TGS1: variants seen among roughly 807,000 people sequenced by gnomAD.
TGS1 encodes the protein trimethylguanosine synthase.
In TGS1, 69 loss-of-function variants were observed where a neutral mutation model predicts 92.2. The observed-to-expected ratio is 0.75, with a 90% CI of 0.62 to 0.91. The LOEUF is 0.91. Among genes scored for constraint, TGS1 ranks in the 40% least tolerant of loss-of-function variants. The pLI, the probability that TGS1 is intolerant of heterozygous loss-of-function variation, is 0.00. For synonymous variants in TGS1, 345 were observed against 338.1 expected (o/e 1.02, Z -0.22); for missense variants, 1,062 against 1,001.2 (o/e 1.06, Z -0.82).
chr8:55,789,115 G>A (rs888801796), intron 4 of TGS1, among the ~76,000 whole-genome samples: 4 of 152,146 alleles, frequency 2.6e-5, no homozygotes, highest in Non-Finnish European at 5.9e-5. Flanking sequence ...TTAAGGTATA[G>A]GTTATGCTTC....
intron 10 of TGS1, among the ~76,000 whole-genome samples, chr8:55,806,856 A>G (rs1240146228): frequency 6.6e-6 from 1 of 152,216 alleles, no homozygotes; most frequent in Non-Finnish European, 1.5e-5. Context: ...AACAGTGGAC[A>G]GGGACTTTGG....
chr8:55,825,226 G>A lies in TGS1; in HGVS notation c.*523G>A, dbSNP rs371844336. On this transcript the variant is annotated 3_prime_UTR_variant, in exon 13 of 13. Coordinates refer to ENST00000260129, the MANE Select transcript of TGS1 (RefSeq NM_024831.8). ...CGTGAGCTACTGTGCCCAGCCTTAC[G>A]GACATCCTTTTGAATTATCTTTTTC... 6.6e-6 allele frequency: 1 copy of A among 152,134 alleles called. No individual in the cohort carries two copies. Among genetic ancestry groups the A allele is most frequent in the Non-Finnish European group, 1.5e-5 (1 of 68,072 alleles). The allele number at this position is 152,134 out of a possible 1,614,324, so 9.4% of individuals were successfully genotyped here. A position where few individuals can be genotyped will look rare whatever the true frequency, so the allele number is the denominator to read the frequency against.
At chr8:55,811,572 T>C (rs1201096953) in intron 11 of TGS1, among the ~76,000 whole-genome samples, 3 of 151,072 alleles carry the variant, frequency 2.0e-5, no homozygotes, top group African/African-American at 7.3e-5. Context: ...CCATCCTGGC[T>C]AACACGGTGA....
At chr8:55,822,236 A>AT (rs1280053126) in intron 12 of TGS1, among the ~76,000 whole-genome samples, 1 of 151,552 alleles carries the variant, frequency 6.6e-6, no homozygotes, top group Non-Finnish European at 1.5e-5. Context: ...CCCCCAGCAA[A>AT]TTTTTTTGTA....
chr8:55,782,886 TTATAA>T (rs1811605993), intron 2 of TGS1, 74 bp downstream of exon 2: 3 of 963,004 alleles, frequency 3.1e-6, no homozygotes, highest in African/African-American at 3.4e-5. Context: ...GTATAATTTG[TTATAA>T]TATTGTATTG....
chr8:55,787,365 C>T (rs560918386), intron 4 of TGS1, among the ~76,000 whole-genome samples: 1 of 152,108 alleles, frequency 6.6e-6, no homozygotes, highest in Non-Finnish European at 1.5e-5. Context: ...TTTTCCACAG[C>T]AAATGAATTT....
chr8:55,790,416 G>T, intron 5 of TGS1, 117 bp downstream of exon 5: 1 of 703,268 alleles, frequency 1.4e-6, no homozygotes, highest in Non-Finnish European at 2.5e-6. Context: ...GTAAGAAGAG[G>T]CAGGATCTAC....
In TGS1 at chr8:55,782,793, A is replaced by T; in HGVS notation, c.147A>T (p.Arg49Ser). ...TGGGATTAAAAGGCTATTACATCAG[A>T]GACAGTGGCAACAATTCAGGTAATA... ...YNLGLKGYYI[R>S]DSGNNSGDQA... is the part of the protein sequence containing the mutation. The change falls in exon 2 of 13, where the codon AGA (arginine) becomes AGT (serine). Residue 49 changes from arginine to serine, a missense_variant. By Grantham distance (110) the Arg-to-Ser change is moderately radical. Transcript: ENST00000260129. 6.2e-7 allele frequency: 1 copy of T among 1,610,264 alleles called. No individual in the cohort carries two copies. Among genetic ancestry groups the T allele is most frequent in the Non-Finnish European group, 8.5e-7 (1 of 1,178,394 alleles).
In TGS1 at chr8:55,785,894, A is replaced by C. The variant is rs1341146652; in HGVS notation, c.339+3A>C. 1 of 1,582,468 alleles carries C rather than the reference A, an allele frequency of 6.3e-7. No individual in the cohort carries two copies. The highest frequency in any genetic ancestry group is 2.2e-5 in the East Asian group (1 of 44,544). Reference sequence around the variant, plus strand: ...TAACTGCACATAAGGATTTTGAGGTAAATATTAATTTACTTTTATTATTTC... The same window carrying C: ...TAACTGCACATAAGGATTTTGAGGTCAATATTAATTTACTTTTATTATTTC... On this transcript the variant is annotated splice_donor_region_variant and intron_variant, in intron 3 of 12. Coordinates refer to ENST00000260129, the MANE Select transcript of TGS1 (RefSeq NM_024831.8).
rs1456603744 is a variant in TGS1, at chr8:55,773,737, T to C, written c.101+18T>C. 1 of 1,583,196 alleles carries C rather than the reference T, an allele frequency of 6.3e-7. No individual in the cohort carries two copies. Among genetic ancestry groups the C allele is most frequent in the Non-Finnish European group, 8.6e-7 (1 of 1,156,558 alleles). The stretch of plus-strand genomic sequence containing the variant: ...TTTGTGGAGTAAGTAGAAAAGAGAA[T>C]CTCTTCATGTTCTAGCACAGTCATT... On this transcript the variant is annotated intron_variant, in intron 1 of 12. Transcript: ENST00000260129.
chr8:55,817,317 T>C (rs897874809), intron 12 of TGS1, among the ~76,000 whole-genome samples: 1 of 152,212 alleles, frequency 6.6e-6, no homozygotes, highest in Non-Finnish European at 1.5e-5. Flanking sequence ...GATAGGTCGA[T>C]AGGAATGAGG....
chr8:55,793,896 G>A (rs2130160802), intron 6 of TGS1, among the ~76,000 whole-genome samples: 1 of 151,998 alleles, frequency 6.6e-6, no homozygotes, highest in Admixed American at 6.5e-5. Flanking sequence ...GGGATTACAG[G>A]CGTGAGCCAC....
At chr8:55,799,882 T>C (rs1431135949) in intron 8 of TGS1, among the ~76,000 whole-genome samples, 1 of 152,166 alleles carries the variant, frequency 6.6e-6, no homozygotes, top group Non-Finnish European at 1.5e-5. Flanking sequence ...GCTGGTTTCC[T>C]TTTGGTGTGT....
chr8:55,787,687 C>T (rs769325965), intron 4 of TGS1, among the ~76,000 whole-genome samples: 4 of 152,088 alleles, frequency 2.6e-5, no homozygotes, highest in Non-Finnish European at 5.9e-5. Context: ...GAGTACGGTG[C>T]GATGAGAATG....
At chr8:55,776,932 AGTTTTTTTGTTTGTTG>A (rs1282314319) in intron 1 of TGS1, among the ~76,000 whole-genome samples, 1 of 150,822 alleles carries the variant, frequency 6.6e-6, no homozygotes, top group East Asian at 1.9e-4. Flanking sequence ...TAAGTCCATT[AGTTTTTTTGTTTGTTG>A]GTTTTTTTTT....
rs1165840400 is a variant in TGS1, at chr8:55,796,100, T to TTGG, written c.1491_1492insGGT (p.Phe497_Thr498insGly). On this transcript the variant is annotated inframe_insertion, in exon 7 of 13. Coordinates refer to ENST00000260129, the MANE Select transcript of TGS1 (RefSeq NM_024831.8). ...AAGATGAAAAACAAACACATCTTCT[T>TTGG]TACCAAAGAGTCAGAAAAACCATTT... 6.2e-7 allele frequency: 1 copy of TTGG among 1,613,296 alleles called. No homozygotes were observed. Among genetic ancestry groups the TTGG allele is most frequent in the Admixed American group, 1.7e-5 (1 of 59,944 alleles).
At chr8:55,819,158 A>ACTTCTAG (rs1563471947) in intron 12 of TGS1, among the ~76,000 whole-genome samples, 1 of 151,962 alleles carries the variant, frequency 6.6e-6, no homozygotes, top group Non-Finnish European at 1.5e-5. Flanking sequence ...CCCAGGTTGG[A>ACTTCTAG]CTTCTAGGCT....
intron 2 of TGS1, among the ~76,000 whole-genome samples, chr8:55,783,973 T>G (rs972133093): frequency 1.2e-4 from 19 of 152,224 alleles, no homozygotes; most frequent in Non-Finnish European, 2.5e-4. Flanking sequence ...TAAGTATATT[T>G]GAATGGAGTA....
chr8:55,785,947 C>T (rs765476676), intron 3 of TGS1, 56 bp downstream of exon 3: 13 of 1,409,868 alleles, frequency 9.2e-6, no homozygotes, highest in African/African-American at 4.3e-5. Context: ...TATAAAATAT[C>T]GCAAGGAATT....
Sources: allele counts gnomAD v4.1 joint callset (sites outside exome capture counted in the v4.1 genomes callset), GRCh38; gene constraint gnomAD v4.1.1; transcripts MANE v1.5; gene names NCBI Gene and HGNC (gene_info 2026-07-23, HGNC 2026-07-21).